The following PTPRM variants were observed in gnomAD, a reference collection of about 807,000 sequenced individuals.
PTPRM encodes protein tyrosine phosphatase receptor type M, also known as receptor-type tyrosine-protein phosphatase mu.
PTPRM carries 47 observed loss-of-function variants against 186.7 expected under a neutral mutation model. The observed-to-expected ratio is 0.25, with a 90% CI of 0.20 to 0.32. PTPRM has a LOEUF of 0.32. PTPRM is among the 10% of genes least tolerant of loss of function. The pLI is 1.00. For synonymous variants in PTPRM, 668 were observed against 674.9 expected, an observed-to-expected ratio of 0.99 and a Z score of 0.16; for missense variants, 1,494 against 1,865.0, an observed-to-expected ratio of 0.80 and a Z score of 3.66.
chr18:7,978,445 T>A (rs998792812), intron 7 of PTPRM, among the ~76,000 whole-genome samples: 1 of 152,226 alleles, frequency 6.6e-6, no homozygotes, highest in Non-Finnish European at 1.5e-5. Flanking sequence ...AACGGGACTC[T>A]ATTTGACCAC....
chr18:8,375,333 C>T (rs1456397290), intron 24 of PTPRM, among the ~76,000 whole-genome samples: 1 of 152,180 alleles, frequency 6.6e-6, no homozygotes, highest in East Asian at 1.9e-4. Flanking sequence ...ACTGTGACAG[C>T]CACTCAAAAA....
At chr18:8,127,801 C>G (rs965138224) in intron 13 of PTPRM, among the ~76,000 whole-genome samples, 3 of 152,066 alleles carry the variant, frequency 2.0e-5, no homozygotes, top group African/African-American at 7.2e-5. Context: ...GCTTTCACCC[C>G]CTAGGAGAGC....
At chr18:7,647,537 A>C (rs550233111) in intron 1 of PTPRM, among the ~76,000 whole-genome samples, 1 of 152,190 alleles carries the variant, frequency 6.6e-6, no homozygotes, top group East Asian at 1.9e-4. Context: ...AAGATGGTGA[A>C]ATTTTGGTTC....
chr18:8,363,268 T>C (rs1289507374), intron 23 of PTPRM, among the ~76,000 whole-genome samples: 1 of 152,210 alleles, frequency 6.6e-6, no homozygotes, highest in African/African-American at 2.4e-5. Flanking sequence ...GGAGCGGGCG[T>C]ATAATCAGAT....
chr18:8,094,864 G>A (rs377389305), intron 11 of PTPRM, among the ~76,000 whole-genome samples: 1 of 152,112 alleles, frequency 6.6e-6, no homozygotes, highest in Non-Finnish European at 1.5e-5. Flanking sequence ...ACGAGTGCAT[G>A]ACATAGAGAA....
intron 19 of PTPRM, chr18:8,269,952 C>G (rs1319943873): frequency 6.6e-6 from 1 of 151,946 alleles, no homozygotes; most frequent in East Asian, 1.9e-4. Flanking sequence ...TAGGGAAATA[C>G]CCCCTGACAT....
chr18:8,390,995 A>G (rs2095808828), intron 31 of PTPRM, among the ~76,000 whole-genome samples: 1 of 151,552 alleles, frequency 6.6e-6, no homozygotes, highest in Admixed American at 6.6e-5. Context: ...GCCAATGAGC[A>G]TAGAAAAGTT....
At chr18:7,826,077 C>T (rs1341473424) in intron 2 of PTPRM, among the ~76,000 whole-genome samples, 3 of 152,138 alleles carry the variant, frequency 2.0e-5, no homozygotes, top group Non-Finnish European at 2.9e-5. Flanking sequence ...TGATATTGGT[C>T]GAGAGCTCAG....
intron 6 of PTPRM, among the ~76,000 whole-genome samples, chr18:7,954,592 A>T (rs1315049824): frequency 1.3e-5 from 2 of 152,210 alleles, no homozygotes; most frequent in African/African-American, 4.8e-5. Flanking sequence ...TTTTGAAGAC[A>T]TTCTCAATAA....
chr18:7,974,890 A>G (rs2054828559), intron 7 of PTPRM, among the ~76,000 whole-genome samples: 1 of 152,230 alleles, frequency 6.6e-6, no homozygotes, highest in African/African-American at 2.4e-5. Context: ...TACTTCAGTA[A>G]TGACAGTGTA....
intron 20 of PTPRM, among the ~76,000 whole-genome samples, chr18:8,311,575 C>T (rs1308641607): frequency 6.6e-6 from 1 of 152,042 alleles, no homozygotes; most frequent in Non-Finnish European, 1.5e-5. Flanking sequence ...TCTCTGACCA[C>T]AGGACATTGT....
chr18:7,891,592 C>T (rs973625149), intron 3 of PTPRM, among the ~76,000 whole-genome samples: 6 of 152,060 alleles, frequency 3.9e-5, no homozygotes, highest in African/African-American at 1.4e-4. Flanking sequence ...GGTGGCCGGG[C>T]GCAATGGCTC....
At chr18:7,712,513 A>G (rs2040234799) in intron 1 of PTPRM, among the ~76,000 whole-genome samples, 1 of 152,092 alleles carries the variant, frequency 6.6e-6, no homozygotes, top group African/African-American at 2.4e-5. Context: ...TGGATGGAGA[A>G]TGAGTTTGAT....
chr18:7,924,697 T>C (rs79614271), intron 4 of PTPRM, among the ~76,000 whole-genome samples: 2,041 of 152,282 alleles, frequency 0.013, 43 homozygotes, highest in African/African-American at 0.046. Flanking sequence ...CATCAAGTTC[T>C]GTTGCATCAA....
At chr18:8,050,338 G>C (rs1205982944) in intron 7 of PTPRM, among the ~76,000 whole-genome samples, 1 of 152,236 alleles carries the variant, frequency 6.6e-6, no homozygotes, top group Non-Finnish European at 1.5e-5. Flanking sequence ...CAGATGAACT[G>C]TCACATCAGG....
intron 1 of PTPRM, among the ~76,000 whole-genome samples, chr18:7,647,395 C>T (rs986013161): frequency 3.3e-5 from 5 of 152,118 alleles, no homozygotes; most frequent in African/African-American, 1.2e-4. Flanking sequence ...TTAATTCTTA[C>T]AAAGGTTAGA....
intron 7 of PTPRM, among the ~76,000 whole-genome samples, chr18:8,024,679 A>AACTTT (rs2085453552): frequency 1.6e-5 from 1 of 62,476 alleles, no homozygotes; most frequent in South Asian, 5.3e-4. Context: ...GGAAACCCAA[A>AACTTT]TCTTTTTTTT....
intron 1 of PTPRM, among the ~76,000 whole-genome samples, chr18:7,645,248 T>G (rs1386032724): frequency 6.6e-6 from 1 of 152,204 alleles, no homozygotes; most frequent in Non-Finnish European, 1.5e-5. Context: ...TAATTTTAAG[T>G]AACAAATCTC....
intron 1 of PTPRM, among the ~76,000 whole-genome samples, chr18:7,769,099 G>A (rs1245915370): frequency 6.6e-6 from 1 of 152,146 alleles, no homozygotes; most frequent in Non-Finnish European, 1.5e-5. Flanking sequence ...GAGGGATGCT[G>A]TTGAGAACTC....
Sources: gnomAD v4.1 joint callset for allele counts (sites outside exome capture counted in the v4.1 genomes callset) on GRCh38, gnomAD v4.1.1 for gene constraint, MANE v1.5 for transcripts, NCBI Gene and HGNC (gene_info 2026-07-23, HGNC 2026-07-21) for gene names.